Variants in STXBP5 observed in about 807,000 individuals in gnomAD.
The protein encoded by STXBP5 is syntaxin-binding protein 5.
STXBP5 carries 50 observed loss-of-function variants against 152.4 expected under a neutral mutation model. That is an observed-to-expected ratio of 0.33 (90% CI 0.26 to 0.42). The LOEUF is 0.42. Among genes scored for constraint, STXBP5 ranks in the 10% least tolerant of loss-of-function variants. STXBP5 has a pLI of 1.00. For missense variants in STXBP5, 1,167 were observed against 1,388.6 expected (o/e 0.84, Z 2.54); for synonymous variants, 492 against 494.7 (o/e 0.99, Z 0.07).
intron 2 of STXBP5, among the ~76,000 whole-genome samples, chr6:147,225,958 G>A (rs549909761): frequency 1.2e-4 from 19 of 152,222 alleles, no homozygotes; most frequent in Admixed American, 7.8e-4. Flanking sequence ...GGATTAGAAC[G>A]TTTTTCCACT....
At chr6:147,257,546 T>C (rs1393988023) in intron 4 of STXBP5, among the ~76,000 whole-genome samples, 2 of 152,056 alleles carry the variant, frequency 1.3e-5, no homozygotes, top group African/African-American at 4.8e-5. Context: ...TGAGTCATTG[T>C]TATTTATTAT....
chr6:147,230,451 A>G (rs1283941299), intron 2 of STXBP5, among the ~76,000 whole-genome samples: 1 of 151,894 alleles, frequency 6.6e-6, no homozygotes, highest in African/African-American at 2.4e-5. Context: ...TTAAATTAGC[A>G]TATTGTTTAC....
intron 8 of STXBP5, among the ~76,000 whole-genome samples, chr6:147,278,936 C>G (rs989383475): frequency 2.6e-5 from 4 of 152,142 alleles, no homozygotes; most frequent in Non-Finnish European, 5.9e-5. Flanking sequence ...TGGGGTCAGT[C>G]ATGCAGGCAT....
intron 4 of STXBP5, among the ~76,000 whole-genome samples, chr6:147,248,726 G>C (rs79559792): frequency 0.032 from 4,853 of 152,230 alleles, 76 homozygotes; most frequent in Middle Eastern, 0.054. Context: ...TGTACACATA[G>C]CTATTTCTTG....
intron 26 of STXBP5, among the ~76,000 whole-genome samples, chr6:147,381,663 A>G (rs1362424212): frequency 6.6e-6 from 1 of 152,188 alleles, no homozygotes; most frequent in East Asian, 1.9e-4. Flanking sequence ...AATAAGCAAA[A>G]TAACACCTTA....
chr6:147,227,354 C>T (rs1221534451), intron 2 of STXBP5, among the ~76,000 whole-genome samples: 7 of 152,042 alleles, frequency 4.6e-5, no homozygotes, highest in African/African-American at 1.4e-4. Context: ...AAAGAACATG[C>T]CCTACCTTGC....
In STXBP5 at chr6:147,204,550, C is replaced by T. The variant is rs1289888335; in HGVS notation, c.18C>T (p.Ile6=). 17 of 1,612,098 alleles carry T rather than the reference C, an allele frequency of 1.1e-5. No homozygotes were observed. The highest frequency in any genetic ancestry group is 1.4e-5 in the Non-Finnish European group (16 of 1,179,214). ...CCGAGACCATGAGGAAATTCAACAT[C>T]AGGAAGGTGCTGGACGGCCTGACCG... MRKFN[I]RKVLDGLTAG... The change falls in exon 1 of 28, where the codon ATC becomes ATT. Residue 6 remains isoleucine (I), a synonymous_variant. Transcript: ENST00000321680. This position sits in a 1 kb window ranked among gnomAD's most constrained non-coding sequence, Gnocchi z 4.3.
intron 2 of STXBP5, among the ~76,000 whole-genome samples, chr6:147,217,306 A>G (rs1777220712): frequency 6.6e-6 from 1 of 152,186 alleles, no homozygotes; most frequent in African/African-American, 2.4e-5. Context: ...TTTAAAATTC[A>G]CTTAACATAC....
chr6:147,361,291 G>T (rs957710187), intron 23 of STXBP5, among the ~76,000 whole-genome samples: 1 of 152,034 alleles, frequency 6.6e-6, no homozygotes, highest in Admixed American at 6.6e-5. Flanking sequence ...GACTGAGCGG[G>T]ATTAAATATA....
intron 18 of STXBP5, among the ~76,000 whole-genome samples, chr6:147,330,600 G>A (rs1783519864): frequency 6.6e-6 from 1 of 152,124 alleles, no homozygotes; most frequent in Admixed American, 6.6e-5. Flanking sequence ...ATAGAAAATA[G>A]AAATGATCAA....
chr6:147,310,283 A>G (rs1782297935), intron 10 of STXBP5, 45 bp downstream of exon 10: 2 of 1,175,876 alleles, frequency 1.7e-6, no homozygotes, highest in African/African-American at 3.9e-5. Context: ...GAGAGCTGAT[A>G]TTAAAAAAAA....
chr6:147,253,993 A>G (rs1179645566), intron 4 of STXBP5, among the ~76,000 whole-genome samples: 1 of 152,198 alleles, frequency 6.6e-6, no homozygotes, highest in East Asian at 1.9e-4. Context: ...AGACAATCCT[A>G]AGCGAAAAGA....
chr6:147,382,487 A>ATATATTTGTTT lies in STXBP5; in HGVS notation c.3194-291_3194-290insTATATTTGTTT, dbSNP rs1786137140. The stretch of plus-strand genomic sequence containing the variant: ...GCCATTATGTAATTGGTAACAATAT[A>ATATATTTGTTT]CCTTTATTTGTTTCATTAAATATTT... On this transcript the variant is annotated intron_variant, in intron 26 of 27. Transcript: ENST00000321680. 2.0e-5 allele frequency among the ~76,000 whole-genome samples: 3 copies of ATATATTTGTTT among 152,132 alleles called. No individual in the cohort carries two copies. In the South Asian group the frequency reaches 6.2e-4, roughly 31 times the overall value.
At chr6:147,315,925 C>T (rs1041013675) in intron 15 of STXBP5, among the ~76,000 whole-genome samples, 190 bp downstream of exon 15, 12 of 151,980 alleles carry the variant, frequency 7.9e-5, no homozygotes, top group African/African-American at 2.7e-4. Context: ...TTATTTAAAT[C>T]CTTAAGTATA....
At chr6:147,265,651 G>T (rs973159098) in intron 6 of STXBP5, among the ~76,000 whole-genome samples, 3 of 152,008 alleles carry the variant, frequency 2.0e-5, no homozygotes, top group African/African-American at 7.2e-5. Context: ...GGAAAATACT[G>T]AGGTGGGGCC....
Position 147,372,406 on chromosome 6 carries a change from CCTTTTT to C in STXBP5, c.3082-1324_3082-1319del, listed in dbSNP as rs1785589413. 7.7e-5 allele frequency among the ~76,000 whole-genome samples: 3 copies of C among 39,108 alleles called. 1 individual carries two copies. Among genetic ancestry groups the C allele is most frequent in the African/African-American group, 2.5e-4 (3 of 11,940 alleles). The allele number at this position is 39,108 out of a possible 152,430, so 25.7% of individuals were successfully genotyped here. ...ATATAAATGTTACTACCGTCCTTTT[CCTTTTT>C]TTTTTTTTTTTTTTTTTTTTTTTTT... On this transcript the variant is annotated intron_variant, in intron 25 of 27. Coordinates refer to ENST00000321680, the MANE Select transcript of STXBP5 (RefSeq NM_001127715.4).
In STXBP5 at chr6:147,339,190, C is replaced by T. The variant is rs972391773; in HGVS notation, c.2158C>T (p.Pro720Ser). 3.2e-6 allele frequency: 5 copies of T among 1,540,248 alleles called. No individual in the cohort carries two copies. The highest frequency in any genetic ancestry group is 8.7e-7 in the Non-Finnish European group (1 of 1,143,162). The change falls in exon 20 of 28, where the codon CCA becomes TCA. Residue 720 changes from proline to serine, a missense_variant. Transcript: ENST00000321680. ...CTTCATTTGTGTAGGTTCTTCATCA[C>T]CACACAATTCAGATGATGAACAAAA... ...CKSPTSGSSS[P>S]HNSDDEQKMN...
At chr6:147,270,600 C>T (rs918780135) in intron 7 of STXBP5, among the ~76,000 whole-genome samples, 4 of 151,718 alleles carry the variant, frequency 2.6e-5, no homozygotes, top group African/African-American at 7.3e-5. Context: ...TAATCACTTG[C>T]AGACCTCAAC....
At chr6:147,258,803 A>G (rs536282162) in intron 4 of STXBP5, among the ~76,000 whole-genome samples, 67 of 152,212 alleles carry the variant, frequency 4.4e-4, no homozygotes, top group African/African-American at 1.5e-3. Context: ...TAAATGTATT[A>G]TATAAAATCT....
Sources: gnomAD v4.1 joint callset for allele counts (sites outside exome capture counted in the v4.1 genomes callset) on GRCh38, gnomAD v4.1.1 for gene constraint, Gnocchi (gnomAD v3.1) non-coding constraint, MANE v1.5 for transcripts, NCBI Gene and HGNC (gene_info 2026-07-23, HGNC 2026-07-21) for gene names.